Variants in COL9A1 observed in about 807,000 individuals in gnomAD.
COL9A1 encodes the protein collagen type IX alpha 1 chain.
Under a neutral mutation model 142.6 loss-of-function variants are expected in COL9A1, and 104 were observed. That is an observed-to-expected ratio of 0.73 (90% CI 0.62 to 0.86). The LOEUF is 0.86. Ranked by LOEUF, COL9A1 falls within the 40% of genes least tolerant of loss-of-function variation. COL9A1 has a pLI of 0.00. For missense variants in COL9A1, 1,210 were observed against 1,176.6 expected (o/e 1.03, Z -0.42); for synonymous variants, 466 against 396.0 (o/e 1.18, Z -2.10).
At chr6:70,244,505 C>G (rs1583244675) in intron 28 of COL9A1, among the ~76,000 whole-genome samples, 1 of 152,262 alleles carries the variant, frequency 6.6e-6, no homozygotes, top group East Asian at 1.9e-4. Context: ...TGATTGACAT[C>G]CTAAATATCA....
intron 5 of COL9A1, among the ~76,000 whole-genome samples, chr6:70,292,067 A>T (rs1016356925): frequency 3.3e-5 from 5 of 152,220 alleles, no homozygotes; most frequent in African/African-American, 1.2e-4. Flanking sequence ...CTTTCCTTAC[A>T]TAGTGTTCTA....
rs1263068072 is a variant in COL9A1, at chr6:70,270,264, C to G, written c.1197+50G>C. ...CCATTTTGGATTCTTAGATTTTTTTCAACCCTGACTCTCAGACACAAACAG... is the reference window on the plus strand; with the variant it reads ...CCATTTTGGATTCTTAGATTTTTTTGAACCCTGACTCTCAGACACAAACAG... On this transcript the variant is annotated intron_variant, in intron 15 of 37. Transcript: ENST00000357250. 1.9e-6 allele frequency: 3 copies of G among 1,568,578 alleles called. No individual in the cohort carries two copies. In the African/African-American group the frequency reaches 4.1e-5, roughly 21 times the overall value.
At chr6:70,272,664 G>A (rs370225622) in intron 12 of COL9A1, among the ~76,000 whole-genome samples, 79 of 152,094 alleles carry the variant, frequency 5.2e-4, no homozygotes, top group African/African-American at 1.7e-3. Flanking sequence ...ACAATGGGAC[G>A]CTAATTTAAT....
chr6:70,279,836 G>A, intron 10 of COL9A1: 3 of 487,576 alleles, frequency 6.2e-6, no homozygotes, highest in Non-Finnish European at 1.1e-5. Context: ...AAAAATTCTT[G>A]GAAATCATAA....
rs1249374660 is a variant in COL9A1, at chr6:70,254,483, C to A, written c.1712G>T (p.Gly571Val). The A allele has an allele frequency of 1.2e-6, 2 of 1,613,964 alleles. No homozygotes were observed. The highest frequency in any genetic ancestry group is 3.3e-5 in the Admixed American group (2 of 60,006). Residue 571 changes from glycine (G) to valine (V), a missense_variant, in exon 25 of 38, where the codon GGG becomes GTG. By Grantham distance (109) the Gly-to-Val change is moderately radical. Coordinates refer to ENST00000357250, the MANE Select transcript of COL9A1 (RefSeq NM_001851.6). The part of the protein sequence containing the change: ...PGPPGDAGLQ[G>V]LPGVPGIPGA... ...AAAGAATCAAATACTTACTGGTAAC[C>A]CCTGCAATCCTGCATCACCAGGAGG...
chr6:70,267,363 C>T (rs1772093199), intron 17 of COL9A1, among the ~76,000 whole-genome samples: 4 of 136,664 alleles, frequency 2.9e-5, no homozygotes. Flanking sequence ...GCTCTTGTTG[C>T]TCAGGCTGGA....
chr6:70,265,815 G>A (rs555904863), intron 18 of COL9A1, among the ~76,000 whole-genome samples: 1 of 151,972 alleles, frequency 6.6e-6, no homozygotes, highest in East Asian at 1.9e-4. Context: ...ATTGCTTGAG[G>A]CTATTTAACA....
At chr6:70,254,900 C>T in intron 24 of COL9A1, 63 bp downstream of exon 24, 1 of 1,450,068 alleles carries the variant, frequency 6.9e-7, no homozygotes, top group Non-Finnish European at 9.7e-7. Context: ...ATGGAAATGC[C>T]ACACTCAGTT....
intron 7 of COL9A1, 34 bp downstream of exon 7, chr6:70,282,864 T>G (rs2127599037): frequency 6.2e-7 from 1 of 1,614,000 alleles, no homozygotes; most frequent in East Asian, 2.2e-5. Flanking sequence ...CGTGTGCGCT[T>G]GAAAAATGCA....
At chr6:70,217,560 CTTGA>C (rs1174467419) in intron 37 of COL9A1, among the ~76,000 whole-genome samples, 1 of 152,192 alleles carries the variant, frequency 6.6e-6, no homozygotes, top group African/African-American at 2.4e-5. Context: ...ATTAATGTCA[CTTGA>C]TTATTTTTAC....
chr6:70,260,423 A>T (rs1583280688), intron 20 of COL9A1, among the ~76,000 whole-genome samples: 1 of 151,976 alleles, frequency 6.6e-6, no homozygotes, highest in East Asian at 1.9e-4. Context: ...GGCGCCTGTA[A>T]TCCCAGCTGC....
chr6:70,277,725 C>T (rs150069116), intron 10 of COL9A1, among the ~76,000 whole-genome samples: 2 of 152,312 alleles, frequency 1.3e-5, no homozygotes, highest in Non-Finnish European at 2.9e-5. Flanking sequence ...AAAATCCATT[C>T]AACATAGGAT....
intron 5 of COL9A1, among the ~76,000 whole-genome samples, chr6:70,288,313 A>G (rs978860949): frequency 5.9e-5 from 9 of 152,090 alleles, no homozygotes; most frequent in African/African-American, 2.2e-4. Flanking sequence ...ATCACTTTGC[A>G]TCACCTCCAC....
intron 20 of COL9A1, chr6:70,258,573 T>A (rs555663): frequency 5.9e-5 from 9 of 151,908 alleles, no homozygotes; most frequent in African/African-American, 1.9e-4. Context: ...TTTGAAGACC[T>A]GAAAAAGACC....
intron 10 of COL9A1, among the ~76,000 whole-genome samples, chr6:70,275,699 C>T (rs1284216924): frequency 2.0e-5 from 3 of 151,990 alleles, no homozygotes; most frequent in South Asian, 2.1e-4. Context: ...CTTTCAGATG[C>T]TGTCATTTAC....
chr6:70,267,327 G>GTTT (rs61373051), intron 17 of COL9A1, among the ~76,000 whole-genome samples: 2 of 127,032 alleles, frequency 1.6e-5, no homozygotes, highest in Non-Finnish European at 3.3e-5. Context: ...TGGTTTTTTT[G>GTTT]TTTTTTTTTT....
chr6:70,266,883 G>C, intron 17 of COL9A1, 113 bp from the exon 18 acceptor site: 1 of 861,842 alleles, frequency 1.2e-6, no homozygotes, highest in Non-Finnish European at 2.0e-6. Context: ...TAAGAAATGA[G>C]TTATGTCACA....
Position 70,274,757 on chromosome 6 carries a change from C to G in COL9A1, c.991G>C (p.Asp331His). The change falls in exon 11 of 38, where the codon GAT (aspartate) becomes CAT (histidine). Residue 331 changes from aspartate to histidine, a missense_variant. Physicochemically the swap from Asp to His is moderately conservative, Grantham distance 81. Transcript: ENST00000357250. ...GACCCAATGGAGCCAGGGGATCCAT[C>G]AGGTCCTGTTAATCCCTAATAGAGC... The part of the protein sequence containing the change: ...TPGADGLTGP[D>H]GSPGSIGSKG... The G allele has an allele frequency of 6.2e-7, 1 of 1,612,724 alleles. No individual in the cohort carries two copies.
chr6:70,226,660 T>G (rs1356411924), intron 36 of COL9A1, among the ~76,000 whole-genome samples: 2 of 152,070 alleles, frequency 1.3e-5, no homozygotes, highest in Admixed American at 6.5e-5. Flanking sequence ...GGAATAAAAC[T>G]AATCAGAAAT....
Sources: gnomAD v4.1 joint callset for allele counts (sites outside exome capture counted in the v4.1 genomes callset) on GRCh38, gnomAD v4.1.1 for gene constraint, MANE v1.5 for transcripts, NCBI Gene and HGNC (gene_info 2026-07-23, HGNC 2026-07-21) for gene names.